ATP8A2: variants seen among roughly 807,000 people sequenced by gnomAD.
ATP8A2 encodes the protein phospholipid-transporting ATPase IB.
In ATP8A2, 100 loss-of-function variants were observed where a neutral mutation model predicts 165.6. The ratio of observed to expected loss-of-function variants is 0.60; its 90% CI spans 0.51 to 0.71. The LOEUF is 0.71. Ranked by LOEUF, ATP8A2 falls within the 30% of genes least tolerant of loss-of-function variation. The pLI, the probability that ATP8A2 is intolerant of heterozygous loss-of-function variation, is 0.00. For synonymous variants in ATP8A2, 543 were observed against 548.8 expected (o/e 0.99, Z 0.15); for missense variants, 1,227 against 1,479.5 (o/e 0.83, Z 2.80).
chr13:25,675,453 G>A (rs1388007146), intron 24 of ATP8A2, among the ~76,000 whole-genome samples: 4 of 152,172 alleles, frequency 2.6e-5, no homozygotes, highest in Non-Finnish European at 5.9e-5. Flanking sequence ...TGGTGTAGAG[G>A]TGTACCTTGG....
At chr13:25,712,875 A>G (rs2043183629) in intron 25 of ATP8A2, among the ~76,000 whole-genome samples, 1 of 152,230 alleles carries the variant, frequency 6.6e-6, no homozygotes, top group South Asian at 2.1e-4. Context: ...CTTGCAAAAT[A>G]TACCTGGGTA....
intron 33 of ATP8A2, among the ~76,000 whole-genome samples, chr13:25,931,361 A>G (rs547675749): frequency 1.3e-5 from 2 of 152,330 alleles, no homozygotes; most frequent in South Asian, 4.1e-4. Context: ...ATTCAAGAAA[A>G]TCTGAGCTCC....
intron 24 of ATP8A2, among the ~76,000 whole-genome samples, chr13:25,616,418 G>A (rs1193139773): frequency 7.4e-6 from 1 of 135,026 alleles, no homozygotes; most frequent in Non-Finnish European, 1.5e-5. Context: ...TGCAACCTCC[G>A]CCTCCTGGGT....
chr13:25,808,109 A>C (rs943320418), intron 27 of ATP8A2, among the ~76,000 whole-genome samples: 1 of 151,534 alleles, frequency 6.6e-6, no homozygotes, highest in Non-Finnish European at 1.5e-5. Context: ...CCCAAGTTCA[A>C]ACTGGCTTTT....
At chr13:25,546,514 CTT>C (rs1222212487) in intron 10 of ATP8A2, among the ~76,000 whole-genome samples, 5 of 142,160 alleles carry the variant, frequency 3.5e-5, no homozygotes, top group East Asian at 2.1e-4. Flanking sequence ...GTTCTTCTAC[CTT>C]TTTTTTTTTT....
intron 33 of ATP8A2, among the ~76,000 whole-genome samples, chr13:25,920,496 G>C (rs1382683230): frequency 6.6e-6 from 1 of 152,148 alleles, no homozygotes; most frequent in African/African-American, 2.4e-5. Flanking sequence ...TTCTGCCTTA[G>C]TAAATGGCTC....
intron 25 of ATP8A2, among the ~76,000 whole-genome samples, chr13:25,766,464 T>C (rs924891267): frequency 6.6e-6 from 1 of 152,216 alleles, no homozygotes; most frequent in African/African-American, 2.4e-5. Flanking sequence ...GTGATGTACC[T>C]GTTTACCTGT....
At chr13:25,967,641 G>A (rs924902303) in intron 34 of ATP8A2, among the ~76,000 whole-genome samples, 5 of 152,306 alleles carry the variant, frequency 3.3e-5, no homozygotes, top group African/African-American at 1.2e-4. Context: ...TCAGTCTGGT[G>A]TGTTACTAAT....
At chr13:25,559,594 C>T (rs2039081610) in intron 14 of ATP8A2, 127 bp from the exon 15 acceptor site, 1 of 738,462 alleles carries the variant, frequency 1.4e-6, no homozygotes, top group African/African-American at 1.8e-5. Flanking sequence ...CAAATATTAA[C>T]TTGGTAAGAA....
At chr13:25,836,882 C>T (rs1428927859) in intron 28 of ATP8A2, among the ~76,000 whole-genome samples, 1 of 152,202 alleles carries the variant, frequency 6.6e-6, no homozygotes, top group South Asian at 2.1e-4. Flanking sequence ...CCACATCAGT[C>T]TTCGTTTTAC....
At chr13:25,808,247 A>C (rs67714083) in intron 27 of ATP8A2, among the ~76,000 whole-genome samples, 26,496 of 151,252 alleles carry the variant, frequency 0.18, 2,487 homozygotes, top group Middle Eastern at 0.21. Context: ...CTCCCACTTC[A>C]ACTTTCTAGG....
At chr13:25,936,351 G>T (rs1954889520) in intron 33 of ATP8A2, among the ~76,000 whole-genome samples, 1 of 152,220 alleles carries the variant, frequency 6.6e-6, no homozygotes, top group Non-Finnish European at 1.5e-5. Context: ...GATTCGGGAG[G>T]CCATGGGCCT....
chr13:25,604,109 A>C (rs2040458390), intron 24 of ATP8A2, among the ~76,000 whole-genome samples: 1 of 152,202 alleles, frequency 6.6e-6, no homozygotes, highest in South Asian at 2.1e-4. Flanking sequence ...TCAAGAAAAT[A>C]TGGCCATTGA....
chr13:25,825,148 T>G (rs889877435), intron 27 of ATP8A2, among the ~76,000 whole-genome samples: 48 of 93,758 alleles, frequency 5.1e-4, no homozygotes, highest in African/African-American at 1.7e-3. Context: ...GTGTTTGCTT[T>G]TTTTTTTTTT....
chr13:25,921,511 T>C (rs1034618403), intron 33 of ATP8A2, among the ~76,000 whole-genome samples: 1 of 149,456 alleles, frequency 6.7e-6, no homozygotes, highest in East Asian at 2.0e-4. Flanking sequence ...TAGTCCTAGA[T>C]ACTTGGGAGG....
chr13:25,636,577 C>A (rs1020803810), intron 24 of ATP8A2, among the ~76,000 whole-genome samples: 2 of 152,116 alleles, frequency 1.3e-5, no homozygotes, highest in Admixed American at 1.3e-4. Flanking sequence ...TCAATGGACA[C>A]AAAACAGATA....
In ATP8A2 at chr13:25,468,975, A is replaced by G. The variant is rs373909734; in HGVS notation, c.77-2A>G. 7.4e-6 allele frequency: 12 copies of G among 1,613,646 alleles called. No homozygotes were observed. The highest frequency in any genetic ancestry group is 2.7e-5 in the African/African-American group (2 of 74,890). ...TTCTCTGCCTGCGCCCTGTCTCTGC[A>G]GGACCTGTTCGTTCTTCTTTGGGCT... On this transcript the variant is annotated splice_acceptor_variant, in intron 1 of 36. Transcript: ENST00000381655. LOFTEE classifies it high-confidence loss of function.
chr13:25,580,818 GGTGTGA>G (rs1484533365), intron 22 of ATP8A2, among the ~76,000 whole-genome samples: 3 of 152,140 alleles, frequency 2.0e-5, no homozygotes, highest in Non-Finnish European at 2.9e-5. Flanking sequence ...TGGGATTACA[GGTGTGA>G]GCCACCATGT....
intron 33 of ATP8A2, among the ~76,000 whole-genome samples, chr13:25,893,323 A>G (rs922843592): frequency 3.1e-4 from 47 of 151,046 alleles, no homozygotes; most frequent in African/African-American, 1.0e-3. Flanking sequence ...TCCTTGTGGT[A>G]GTTTGCTGAG....
Sources: allele counts gnomAD v4.1 joint callset (sites outside exome capture counted in the v4.1 genomes callset), GRCh38; gene constraint gnomAD v4.1.1; transcripts MANE v1.5; gene names NCBI Gene and HGNC (gene_info 2026-07-23, HGNC 2026-07-21).